The following PHYHIPL variants were observed in gnomAD, a reference collection of about 807,000 sequenced individuals.
The protein encoded by PHYHIPL is phytanoyl-CoA 2-hydroxylase interacting protein like, also known as phytanoyl-CoA hydroxylase-interacting protein-like.
In PHYHIPL, 9 loss-of-function variants were observed where a neutral mutation model predicts 33.4. The observed-to-expected ratio is 0.27, with a 90% CI of 0.16 to 0.47. The LOEUF (loss-of-function observed/expected upper bound fraction) is 0.47. Among genes scored for constraint, PHYHIPL ranks in the 20% least tolerant of loss-of-function variants. The pLI is 0.99. For synonymous variants in PHYHIPL, 153 were observed against 154.1 expected (o/e 0.99, Z 0.05); for missense variants, 365 against 460.7 (o/e 0.79, Z 1.90).
At chr10:59,186,996 C>G (rs940585394) in intron 1 of PHYHIPL, among the ~76,000 whole-genome samples, 2 of 152,122 alleles carry the variant, frequency 1.3e-5, no homozygotes, top group African/African-American at 4.8e-5. Context: ...ACTTCCAACA[C>G]TATGTTGAAT....
In PHYHIPL at chr10:59,177,682, T is replaced by C. The variant is rs1435805182; in HGVS notation, c.106+723T>C. ...TGTTGTTGAAGTTGGCAGGCTCCTG[T>C]GGAAGGAAATTGATTGAATACAGGT... is the stretch of plus-strand genomic sequence containing the variant. On this transcript the variant is annotated intron_variant, in intron 1 of 4. Transcript: ENST00000373880. 5.3e-6 allele frequency: 8 copies of C among 1,519,084 alleles called. No homozygotes were observed. The East Asian group carries it at 2.0e-4, about 37-fold the overall frequency. The allele number at this position is 1,519,084 out of a possible 1,614,324, so 94.1% of individuals were successfully genotyped here.
At chr10:59,226,498 TGTG>T (rs965114964) in intron 1 of PHYHIPL, among the ~76,000 whole-genome samples, 6 of 151,896 alleles carry the variant, frequency 4.0e-5, no homozygotes, top group Non-Finnish European at 7.4e-5. Context: ...TGAAAATGGT[TGTG>T]GTGGTGGTGG....
chr10:59,238,613 A>G lies in PHYHIPL; in HGVS notation c.504A>G (p.Gln168=), dbSNP rs768534752. 1.2e-6 allele frequency: 2 copies of G among 1,609,582 alleles called. No individual in the cohort carries two copies. Among genetic ancestry groups the G allele is most frequent in the East Asian group, 2.2e-5 (1 of 44,738 alleles). The part of the protein sequence containing the change: ...TADYSKVHLT[Q]LLEKAEVIAG... ...ACTATTCAAAAGTTCATCTAACACA[A>G]TTGTTGGAGAAGGCTGAAGTGATTG... Residue 168 remains glutamine, a synonymous_variant, in exon 4 of 5, where the codon CAA becomes CAG. Transcript: ENST00000373880.
upstream of PHYHIPL, among the ~76,000 whole-genome samples, chr10:59,174,411 C>G (rs1487074899): frequency 3.2e-4 from 48 of 152,110 alleles, no homozygotes; most frequent in Non-Finnish European, 7.4e-5. Flanking sequence ...TCCACCAGGC[C>G]TAGCCTTGAT....
intron 1 of PHYHIPL, among the ~76,000 whole-genome samples, chr10:59,202,566 C>A (rs563794953): frequency 1.3e-5 from 2 of 152,114 alleles, no homozygotes; most frequent in Non-Finnish European, 2.9e-5. Flanking sequence ...CTGAATGATA[C>A]CACTTTTATA....
chr10:59,191,109 G>C (rs1838772311), intron 1 of PHYHIPL, among the ~76,000 whole-genome samples: 1 of 151,786 alleles, frequency 6.6e-6, no homozygotes, highest in Non-Finnish European at 1.5e-5. Context: ...AATTGGTTTA[G>C]ACATTAACAT....
intron 4 of PHYHIPL, among the ~76,000 whole-genome samples, chr10:59,243,032 T>A (rs1289200223): frequency 2.0e-5 from 3 of 149,866 alleles, no homozygotes; most frequent in Non-Finnish European, 4.4e-5. Context: ...CCAAACAACA[T>A]AAACATACAG....
At chr10:59,221,603 G>A in intron 1 of PHYHIPL, 1 of 821,858 alleles carries the variant, frequency 1.2e-6, no homozygotes. Flanking sequence ...ATAGGAGTGT[G>A]AAGCCTTAAT....
intron 1 of PHYHIPL, among the ~76,000 whole-genome samples, chr10:59,223,642 G>T (rs554581946): frequency 6.6e-6 from 1 of 151,538 alleles, no homozygotes; most frequent in Non-Finnish European, 1.5e-5. Flanking sequence ...TGAGTTCAAT[G>T]ATATTAAAAA....
At chr10:59,223,195 C>T (rs1839827651) in intron 1 of PHYHIPL, among the ~76,000 whole-genome samples, 1 of 152,194 alleles carries the variant, frequency 6.6e-6, no homozygotes, top group Admixed American at 6.5e-5. Context: ...GTTTACCTTA[C>T]TGTAAATTAA....
chr10:59,188,448 T>G (rs939694082), intron 1 of PHYHIPL, among the ~76,000 whole-genome samples: 1 of 152,186 alleles, frequency 6.6e-6, no homozygotes, highest in African/African-American at 2.4e-5. Context: ...TTCTGTTGAT[T>G]TGGGGTGGAG....
At chr10:59,220,069 A>C (rs1052387771) in intron 1 of PHYHIPL, among the ~76,000 whole-genome samples, 1 of 152,138 alleles carries the variant, frequency 6.6e-6, no homozygotes, top group African/African-American at 2.4e-5. Flanking sequence ...TGAATTGCTA[A>C]TAACAAAGTG....
At chr10:59,186,153 G>A (rs959256064) in intron 1 of PHYHIPL, among the ~76,000 whole-genome samples, 21 of 152,164 alleles carry the variant, frequency 1.4e-4, no homozygotes, top group African/African-American at 5.1e-4. Context: ...TAAGGTGTAA[G>A]GAAGGGATCC....
intron 1 of PHYHIPL, among the ~76,000 whole-genome samples, chr10:59,232,105 G>T (rs1210305164): frequency 1.3e-5 from 2 of 151,880 alleles, no homozygotes; most frequent in Non-Finnish European, 2.9e-5. Flanking sequence ...TACCAATGGG[G>T]GGCAAAAACA....
intron 1 of PHYHIPL, among the ~76,000 whole-genome samples, chr10:59,224,846 G>A (rs1839884675): frequency 6.6e-6 from 1 of 151,902 alleles, no homozygotes; most frequent in Non-Finnish European, 1.5e-5. Flanking sequence ...AAAAGATTGA[G>A]AAATATTGAC....
intron 1 of PHYHIPL, among the ~76,000 whole-genome samples, chr10:59,188,125 A>C (rs1838669552): frequency 6.6e-6 from 1 of 152,146 alleles, no homozygotes; most frequent in Non-Finnish European, 1.5e-5. Flanking sequence ...TTCCCTCTAC[A>C]CAATGCTTTG....
intron 1 of PHYHIPL, among the ~76,000 whole-genome samples, chr10:59,200,269 G>A (rs57730573): frequency 0.046 from 7,026 of 152,156 alleles, 452 homozygotes; most frequent in African/African-American, 0.14. Flanking sequence ...AGCATGAAGC[G>A]CTGTTGAATT....
intron 1 of PHYHIPL, among the ~76,000 whole-genome samples, chr10:59,198,817 GT>G (rs1347648823): frequency 6.6e-6 from 1 of 152,102 alleles, no homozygotes; most frequent in Non-Finnish European, 1.5e-5. Context: ...GATGATGAGA[GT>G]TTTTTCATGT....
chr10:59,180,780 CTTATG>C (rs1838395207), intron 1 of PHYHIPL, among the ~76,000 whole-genome samples: 1 of 152,048 alleles, frequency 6.6e-6, no homozygotes, highest in Non-Finnish European at 1.5e-5. Flanking sequence ...TAAGACCTCA[CTTATG>C]TTATTGGCAT....
Sources: allele counts gnomAD v4.1 joint callset (sites outside exome capture counted in the v4.1 genomes callset), GRCh38; gene constraint gnomAD v4.1.1; transcripts MANE v1.5; gene names NCBI Gene and HGNC (gene_info 2026-07-23, HGNC 2026-07-21).